KHDRBS3: variants seen among roughly 807,000 people sequenced by gnomAD.
The protein encoded by KHDRBS3 is KH domain-containing, RNA-binding, signal transduction-associated protein 3.
A neutral mutation model predicts 45.6 loss-of-function variants in KHDRBS3; 23 were observed. That is an observed-to-expected ratio of 0.50 (90% CI 0.36 to 0.72). The LOEUF (loss-of-function observed/expected upper bound fraction) is 0.72, where lower values mean the gene tolerates loss of function less well. Ranked by LOEUF, KHDRBS3 falls within the 30% of genes least tolerant of loss-of-function variation. KHDRBS3 has a pLI of 0.00. For missense variants in KHDRBS3, 352 were observed against 424.8 expected (o/e 0.83, Z 1.51); for synonymous variants, 162 against 156.5 (o/e 1.04, Z -0.26).
At chr8:135,605,033 A>T (rs1047885596) in intron 6 of KHDRBS3, among the ~76,000 whole-genome samples, 1 of 151,684 alleles carries the variant, frequency 6.6e-6, no homozygotes, top group African/African-American at 2.4e-5. Flanking sequence ...CTTGCATGTG[A>T]TAAGTTGCTT....
chr8:135,553,231 A>G (rs371075522), intron 4 of KHDRBS3, among the ~76,000 whole-genome samples: 2 of 152,196 alleles, frequency 1.3e-5, no homozygotes, highest in Admixed American at 6.5e-5. Context: ...CTTACCTGAA[A>G]TGTAGCACTT....
In KHDRBS3 at chr8:135,647,155, T is replaced by G; in HGVS notation, c.*71T>G. 1 of 624,470 alleles carries G rather than the reference T, an allele frequency of 1.6e-6. No homozygotes were observed. Among genetic ancestry groups the G allele is most frequent in the South Asian group, 2.6e-5 (1 of 38,084 alleles). 38.7% of individuals were successfully genotyped at this position (624,470 alleles called of 1,614,324 possible). On this transcript the variant is annotated 3_prime_UTR_variant, in exon 9 of 9. Transcript: ENST00000355849. ...TATACTGTTCAAAGTAATTTTTTTC[T>G]ATGAACAATCCCTTTTTAAATAAAT...
intron 7 of KHDRBS3, among the ~76,000 whole-genome samples, chr8:135,617,726 A>T (rs1014771609): frequency 3.9e-5 from 6 of 152,210 alleles, no homozygotes; most frequent in African/African-American, 1.4e-4. Context: ...TCTCTATGTA[A>T]CTGTTGTTAT....
At chr8:135,643,014 C>G (rs1014338278) in intron 7 of KHDRBS3, among the ~76,000 whole-genome samples, 3 of 151,958 alleles carry the variant, frequency 2.0e-5, no homozygotes, top group African/African-American at 7.2e-5. Context: ...AGGATGGTCT[C>G]GATCTTCTGA....
Position 135,542,688 on chromosome 8 carries a change from G to GCAAT in KHDRBS3, c.243_246dup (p.Ser83GlnfsTer44). 6.2e-7 allele frequency: 1 copy of GCAAT among 1,613,714 alleles called. No homozygotes were observed. The highest frequency in any genetic ancestry group is 2.2e-5 in the East Asian group (1 of 44,846). ...GTGGGGAAACTTTTGGGTCCACGTGGCAATTCTCTGAAGCGTTTACAAGAA... is the reference window on the plus strand; with the variant it reads ...GTGGGGAAACTTTTGGGTCCACGTGGCAATCAATTCTCTGAAGCGTTTACAAGAA... On this transcript the variant is annotated frameshift_variant, in exon 3 of 9. Transcript: ENST00000355849. LOFTEE classifies it high-confidence loss of function.
chr8:135,617,877 G>T (rs1303796490), intron 7 of KHDRBS3, among the ~76,000 whole-genome samples: 1 of 152,104 alleles, frequency 6.6e-6, no homozygotes, highest in African/African-American at 2.4e-5. Flanking sequence ...AGTTGTTAAA[G>T]GCTCATTTAA....
chr8:135,515,168 C>T (rs1824510340), intron 1 of KHDRBS3, among the ~76,000 whole-genome samples: 1 of 151,748 alleles, frequency 6.6e-6, no homozygotes, highest in Non-Finnish European at 1.5e-5. Flanking sequence ...AGATTGAGAC[C>T]ATCCTGGCTA....
At chr8:135,650,587 A>G (rs1212102475), downstream of KHDRBS3, among the ~76,000 whole-genome samples, 6 of 152,248 alleles carry the variant, frequency 3.9e-5, no homozygotes, top group Non-Finnish European at 7.3e-5. Flanking sequence ...CATGTACCTT[A>G]TAACTGGTAG....
chr8:135,648,251 T>C (rs1273419808), downstream of KHDRBS3: 1 of 152,198 alleles, frequency 6.6e-6, no homozygotes, highest in Non-Finnish European at 1.5e-5. Context: ...TAAATTCTCA[T>C]TTTAAAAAGT....
In KHDRBS3 at chr8:135,506,649, G is replaced by T. The variant is rs571839265; in HGVS notation, c.89-14588G>T. 1.4e-3 allele frequency among the ~76,000 whole-genome samples: 218 copies of T among 152,046 alleles called. 2 individuals carry two copies. The highest frequency in any genetic ancestry group is 3.6e-3 in the African/African-American group (148 of 41,486). ...CAACTCCTGACCTTGTGATCCTCCC[G>T]CCTCAGCCTCCCAAAGTGCTTGGAT... is the stretch of plus-strand genomic sequence containing the variant. On this transcript the variant is annotated intron_variant, in intron 1 of 8. Coordinates refer to ENST00000355849, the MANE Select transcript of KHDRBS3 (RefSeq NM_006558.3).
intron 1 of KHDRBS3, among the ~76,000 whole-genome samples, chr8:135,503,389 G>T (rs1486270085): frequency 6.6e-6 from 1 of 152,072 alleles, no homozygotes; most frequent in Non-Finnish European, 1.5e-5. Context: ...AGCTAGCCAG[G>T]CTACAAAAGG....
At chr8:135,526,198 C>T (rs777529721) in intron 2 of KHDRBS3, among the ~76,000 whole-genome samples, 2 of 151,960 alleles carry the variant, frequency 1.3e-5, no homozygotes, top group Non-Finnish European at 2.9e-5. Flanking sequence ...CAATGCATTT[C>T]TCGGAATGTG....
chr8:135,654,147 C>T (rs547788242), intron 4 of KHDRBS3, among the ~76,000 whole-genome samples: 1 of 152,202 alleles, frequency 6.6e-6, no homozygotes, highest in South Asian at 2.1e-4. Context: ...TGAAGTATGT[C>T]TTAGAGCTCA....
chr8:135,643,080 A>G (rs2131191036), intron 7 of KHDRBS3, among the ~76,000 whole-genome samples: 1 of 152,240 alleles, frequency 6.6e-6, no homozygotes, highest in East Asian at 1.9e-4. Flanking sequence ...GGCATGAGCC[A>G]CCGCGCCTGG....
rs7846605 is a variant in KHDRBS3 at position 135,584,324 on chromosome 8, C to G, written c.807+2251C>G. Among the ~76,000 whole-genome samples the G allele has an allele frequency of 6.5e-3, 985 of 152,324 alleles. 18 individuals carry two copies. Among genetic ancestry groups the G allele is most frequent in the African/African-American group, 0.023 (962 of 41,562 alleles). ...CAATTTTATCAGCTTCATACAATTACAAGTCTTGCATACATAAAACAGCTG... is the reference window on the plus strand; with the variant it reads ...CAATTTTATCAGCTTCATACAATTAGAAGTCTTGCATACATAAAACAGCTG... On this transcript the variant is annotated intron_variant, in intron 6 of 8. Transcript: ENST00000355849.
chr8:135,479,996 G>A (rs908422942), intron 1 of KHDRBS3, among the ~76,000 whole-genome samples: 11 of 152,228 alleles, frequency 7.2e-5, no homozygotes, highest in African/African-American at 2.4e-4. Flanking sequence ...AGGAATGCAA[G>A]GTTGGGTTAG....
intron 6 of KHDRBS3, 66 bp from the exon 7 acceptor site, chr8:135,606,889 G>C: frequency 8.1e-7 from 1 of 1,238,606 alleles, no homozygotes; most frequent in South Asian, 1.3e-5. Flanking sequence ...TTCACTAAAA[G>C]CAGAATGCTT....
intron 1 of KHDRBS3, among the ~76,000 whole-genome samples, chr8:135,477,203 T>C (rs1032150074): frequency 7.2e-5 from 11 of 152,310 alleles, no homozygotes; most frequent in African/African-American, 2.2e-4. Context: ...AATTATCTTA[T>C]AGATATTGTT....
intron 2 of KHDRBS3, chr8:135,539,824 G>T (rs1335921929): frequency 1.3e-5 from 2 of 152,146 alleles, no homozygotes; most frequent in Non-Finnish European, 2.9e-5. Flanking sequence ...ATTCATTTAT[G>T]TACTTTTTGT....
Sources: allele counts gnomAD v4.1 joint callset (sites outside exome capture counted in the v4.1 genomes callset), GRCh38; gene constraint gnomAD v4.1.1; transcripts MANE v1.5; gene names NCBI Gene and HGNC (gene_info 2026-07-23, HGNC 2026-07-21).